The following AUNIP variants were observed in gnomAD, a reference collection of about 807,000 sequenced individuals.
AUNIP encodes the protein aurora kinase A and ninein interacting protein.
AUNIP carries 16 observed loss-of-function variants against 12.2 expected under a neutral mutation model. That is an observed-to-expected ratio of 1.31 (90% CI 0.88 to 1.99). AUNIP has a LOEUF of 1.99. Ranked by LOEUF, AUNIP falls within the 30% of genes most tolerant of loss-of-function variation. The pLI is 0.00. For synonymous variants in AUNIP, 142 were observed against 154.8 expected, an observed-to-expected ratio of 0.92 and a Z score of 0.61; for missense variants, 411 against 419.1, an observed-to-expected ratio of 0.98 and a Z score of 0.17.
At chr1:25,832,666 C>A, downstream of AUNIP, 1 of 161,226 alleles carries the variant, frequency 6.2e-6, no homozygotes, top group Admixed American at 5.7e-5. Flanking sequence ...CCAAATCTAC[C>A]CTCCACGGCC....
At chr1:25,836,648 A>G (rs2048305069) in intron 2 of AUNIP, among the ~76,000 whole-genome samples, 1 of 152,244 alleles carries the variant, frequency 6.6e-6, no homozygotes, top group Non-Finnish European at 1.5e-5. Context: ...TTTTGTGAGA[A>G]TTCTCAACTT....
At position 25,834,865 on chromosome 1, in the gene AUNIP, T is replaced by G; in HGVS notation, c.*128A>C. 6.7e-7 allele frequency: 1 copy of G among 1,501,942 alleles called. No individual in the cohort carries two copies. Among genetic ancestry groups the G allele is most frequent in the Non-Finnish European group, 8.8e-7 (1 of 1,133,568 alleles). 93.0% of individuals were successfully genotyped at this position (1,501,942 alleles called of 1,614,324 possible). On this transcript the variant is annotated 3_prime_UTR_variant, in exon 3 of 3. Transcript: ENST00000374298. ...CCCTTTATTTACACAGAGAAGATGC[T>G]CAGTAATGACAACTTCATCCCATGC... is the stretch of plus-strand genomic sequence containing the variant.
intron 1 of AUNIP, among the ~76,000 whole-genome samples, chr1:25,843,391 C>A: frequency 6.7e-6 from 1 of 150,336 alleles, no homozygotes; most frequent in South Asian, 2.1e-4. Context: ...ACAGATAAAT[C>A]CTGTGATGGA....
At chr1:25,857,500 C>T (rs1261280158) in intron 1 of AUNIP, among the ~76,000 whole-genome samples, 10 of 151,142 alleles carry the variant, frequency 6.6e-5, no homozygotes, top group East Asian at 4.0e-4. Context: ...CCGCCCGCCT[C>T]GGCCTCCCAA....
intron 1 of AUNIP, among the ~76,000 whole-genome samples, chr1:25,840,927 T>C (rs2048343475): frequency 6.6e-6 from 1 of 152,244 alleles, no homozygotes; most frequent in Non-Finnish European, 1.5e-5. Context: ...GTAAAGTTTA[T>C]AGCTTAAGAG....
intron 1 of AUNIP, among the ~76,000 whole-genome samples, chr1:25,844,556 T>A (rs1303870428): frequency 6.6e-6 from 1 of 152,234 alleles, no homozygotes; most frequent in Non-Finnish European, 1.5e-5. Flanking sequence ...CGATAATTTA[T>A]CTATAAGTTT....
At chr1:25,838,799 G>A (rs542755410) in intron 1 of AUNIP, among the ~76,000 whole-genome samples, 8 of 152,340 alleles carry the variant, frequency 5.3e-5, no homozygotes, top group Admixed American at 4.6e-4. Context: ...GAATGCCTGA[G>A]AAGTAGGGCA....
chr1:25,835,151 AAGG>A lies in AUNIP; in HGVS notation c.913_915del (p.Pro305del). ...TTCCAGTTATTGGTTACATCTTGAA[AAGG>A]AGCTCTAGTGTTGTGGGCAATGACC... is the stretch of plus-strand genomic sequence containing the variant. On this transcript the variant is annotated inframe_deletion, in exon 3 of 3. Transcript: ENST00000374298. 1 of 1,614,204 alleles carries A rather than the reference AAGG, an allele frequency of 6.2e-7. No homozygotes were observed. Among genetic ancestry groups the A allele is most frequent in the Non-Finnish European group, 8.5e-7 (1 of 1,180,022 alleles).
At chr1:25,856,875 C>T (rs213643) in intron 1 of AUNIP, among the ~76,000 whole-genome samples, 28,597 of 151,176 alleles carry the variant, frequency 0.19, 2,904 homozygotes, top group Non-Finnish European at 0.22. Context: ...TGAGAAGCCA[C>T]GGTGGGCAGA....
At chr1:25,852,191 G>A (rs566089748) in intron 1 of AUNIP, among the ~76,000 whole-genome samples, 1 of 151,514 alleles carries the variant, frequency 6.6e-6, no homozygotes, top group South Asian at 2.1e-4. Flanking sequence ...TGGGTTCAGG[G>A]GATCCTCCCA....
intron 1 of AUNIP, among the ~76,000 whole-genome samples, chr1:25,857,057 G>C (rs1187760498): frequency 1.3e-5 from 2 of 152,090 alleles, no homozygotes; most frequent in Non-Finnish European, 2.9e-5. Context: ...CGTTGAGGCT[G>C]TAGGTAGTCG....
chr1:25,859,448 T>C lies in AUNIP; in HGVS notation c.-91A>G, dbSNP rs1050380098. ...AACCGCGGCCGCCGACGTTCGGATC[T>C]CGCGCCAACGCTGGGGGCGGGGCTA... On this transcript the variant is annotated 5_prime_UTR_variant, in exon 1 of 3. Coordinates refer to ENST00000374298, the MANE Select transcript of AUNIP (RefSeq NM_024037.3). The C allele has an allele frequency of 8.2e-7, 1 of 1,217,754 alleles. No homozygotes were observed. Among genetic ancestry groups the C allele is most frequent in the African/African-American group, 1.6e-5 (1 of 61,658 alleles). The allele number at this position is 1,217,754 out of a possible 1,614,324, so 75.4% of individuals were successfully genotyped here.
chr1:25,845,786 C>A (rs1029243151), intron 1 of AUNIP, among the ~76,000 whole-genome samples: 5 of 152,180 alleles, frequency 3.3e-5, no homozygotes, highest in Admixed American at 2.6e-4. Context: ...ATTTTCAGCA[C>A]AACAGCAATA....
chr1:25,848,465 A>ATTT (rs1553124146), intron 1 of AUNIP, among the ~76,000 whole-genome samples: 2 of 133,508 alleles, frequency 1.5e-5, no homozygotes, highest in African/African-American at 5.7e-5. Flanking sequence ...CCGGGCAAAA[A>ATTT]TTTTTGAAAC....
Position 25,859,404 on chromosome 1 carries a change from G to T in AUNIP, c.-47C>A. The stretch of plus-strand genomic sequence containing the variant: ...GGCAGGACGCCGGCGCAGGCTCCCG[G>T]CGCCTCAGGGAACGCCAGAACCGCG... On this transcript the variant is annotated 5_prime_UTR_variant, in exon 1 of 3. Transcript: ENST00000374298. 1.4e-6 allele frequency: 2 copies of T among 1,465,602 alleles called. No homozygotes were observed. Among genetic ancestry groups the T allele is most frequent in the Non-Finnish European group, 1.8e-6 (2 of 1,115,638 alleles). The allele number at this position is 1,465,602 out of a possible 1,614,324, so 90.8% of individuals were successfully genotyped here. A position where few individuals can be genotyped will look rare whatever the true frequency, so the allele number is the denominator to read the frequency against.
chr1:25,838,974 TA>T (rs780317834), intron 1 of AUNIP, among the ~76,000 whole-genome samples: 1 of 152,188 alleles, frequency 6.6e-6, no homozygotes, highest in Non-Finnish European at 1.5e-5. Flanking sequence ...AGTTGTACTT[TA>T]AGTGGTTAAA....
chr1:25,852,751 T>C (rs1265271638), intron 1 of AUNIP, among the ~76,000 whole-genome samples: 1 of 152,130 alleles, frequency 6.6e-6, no homozygotes, highest in Non-Finnish European at 1.5e-5. Flanking sequence ...AGATTCTTTT[T>C]AATAAAAGCA....
At chr1:25,852,585 G>A (rs1328102593) in intron 1 of AUNIP, among the ~76,000 whole-genome samples, 7 of 151,306 alleles carry the variant, frequency 4.6e-5, no homozygotes, top group Non-Finnish European at 8.8e-5. Context: ...GATTACAGGC[G>A]CCTGCCACCA....
chr1:25,838,743 A>T (rs1001010989), intron 1 of AUNIP, among the ~76,000 whole-genome samples: 1 of 152,238 alleles, frequency 6.6e-6, no homozygotes, highest in Non-Finnish European at 1.5e-5. Context: ...ATATAACCTC[A>T]TCCTTATTTA....
Sources: allele counts gnomAD v4.1 joint callset (sites outside exome capture counted in the v4.1 genomes callset), GRCh38; gene constraint gnomAD v4.1.1; transcripts MANE v1.5; gene names NCBI Gene and HGNC (gene_info 2026-07-23, HGNC 2026-07-21).